The following ZNF385C variants were observed in gnomAD, a reference collection of about 807,000 sequenced individuals.
The protein encoded by ZNF385C is CTD-2132N18.2.
A neutral mutation model predicts 35.4 loss-of-function variants in ZNF385C; 28 were observed. The observed-to-expected ratio is 0.79, with a 90% confidence interval of 0.59 to 1.08. The LOEUF (loss-of-function observed/expected upper bound fraction) is 1.08, where lower values mean the gene tolerates loss of function less well. ZNF385C is among the 50% of genes least tolerant of loss of function. The pLI is 0.00. For missense variants in ZNF385C, 605 were observed against 595.6 expected, an observed-to-expected ratio of 1.02 and a Z score of -0.16; for synonymous variants, 248 against 248.2, an observed-to-expected ratio of 1.00 and a Z score of 0.01.
intron 4 of ZNF385C, among the ~76,000 whole-genome samples, chr17:42,032,116 A>G (rs1369201503): frequency 1.3e-5 from 2 of 152,164 alleles, no homozygotes; most frequent in Non-Finnish European, 2.9e-5. Context: ...GCTGGAGTGC[A>G]GTGGCGCCAT....
intron 1 of ZNF385C, among the ~76,000 whole-genome samples, chr17:42,076,527 C>T (rs1200769770): frequency 3.3e-5 from 5 of 152,130 alleles, no homozygotes; most frequent in Non-Finnish European, 7.3e-5. Context: ...GAGGCTGAGG[C>T]AGGAGAATGG....
intron 1 of ZNF385C, among the ~76,000 whole-genome samples, chr17:42,087,326 A>G (rs1567997446): frequency 6.6e-6 from 1 of 152,240 alleles, no homozygotes; most frequent in Non-Finnish European, 1.5e-5. Context: ...TAAAACTACA[A>G]CTGAAAACAA....
chr17:42,029,683 C>T (rs1430779757), intron 5 of ZNF385C, among the ~76,000 whole-genome samples: 2 of 151,874 alleles, frequency 1.3e-5, no homozygotes, highest in Admixed American at 1.3e-4. Flanking sequence ...CACTGCACTC[C>T]AGCCTGGGCG....
At chr17:42,049,955 C>T (rs2053247752) in intron 2 of ZNF385C, among the ~76,000 whole-genome samples, 1 of 152,172 alleles carries the variant, frequency 6.6e-6, no homozygotes, top group Non-Finnish European at 1.5e-5. Flanking sequence ...TTTACATCAT[C>T]CCAGAAAGTT....
At chr17:42,043,921 C>T (rs2053086394) in intron 2 of ZNF385C, among the ~76,000 whole-genome samples, 1 of 151,922 alleles carries the variant, frequency 6.6e-6, no homozygotes, top group African/African-American at 2.4e-5. Context: ...GTTCTCAGGG[C>T]CCATGAGGAG....
At chr17:42,035,360 T>C (rs2052830318) in intron 3 of ZNF385C, among the ~76,000 whole-genome samples, 1 of 151,516 alleles carries the variant, frequency 6.6e-6, no homozygotes, top group South Asian at 2.1e-4. Context: ...TCCTTTGCAA[T>C]AATTACAACT....
At chr17:42,085,600 T>G (rs1268174857) in intron 1 of ZNF385C, among the ~76,000 whole-genome samples, 2 of 148,854 alleles carry the variant, frequency 1.3e-5, no homozygotes, top group African/African-American at 2.5e-5. Flanking sequence ...CAAAACATTT[T>G]TTTTTTTTTT....
At chr17:42,044,682 T>G (rs2053112766) in intron 2 of ZNF385C, among the ~76,000 whole-genome samples, 1 of 151,974 alleles carries the variant, frequency 6.6e-6, no homozygotes, top group African/African-American at 2.4e-5. Flanking sequence ...ACAGGAAGAT[T>G]TGCTTTCTCT....
intron 1 of ZNF385C, among the ~76,000 whole-genome samples, chr17:42,088,188 G>A (rs1235124219): frequency 6.6e-6 from 1 of 152,246 alleles, no homozygotes; most frequent in African/African-American, 2.4e-5. Flanking sequence ...GGTCCATCCT[G>A]CTGATGCTGG....
rs148572597 is a variant in ZNF385C, at chr17:42,067,055, C to G, written c.-2-3997G>C. Among the ~76,000 whole-genome samples, 296 of 151,090 alleles carry G rather than the reference C, an allele frequency of 2.0e-3. 3 individuals are homozygous for G. Among genetic ancestry groups the G allele is most frequent in the Admixed American group, 3.6e-3 (54 of 15,158 alleles). On this transcript the variant is annotated intron_variant, in intron 1 of 8. Coordinates refer to ENST00000692273, the MANE Select transcript of ZNF385C (RefSeq NM_001392013.1). Reference sequence around the variant, plus strand: ...TGGCACTCAAGCCTAGGTAACAGAGCAAGACTCCGTCTCAGAAAAAAAAAA... The same window carrying G: ...TGGCACTCAAGCCTAGGTAACAGAGGAAGACTCCGTCTCAGAAAAAAAAAA...
In ZNF385C at chr17:42,050,553, T is replaced by C. The variant is rs1555657017; in HGVS notation, c.250+12254A>G. 6.6e-6 allele frequency: 1 copy of C among 151,844 alleles called. No individual in the cohort carries two copies. The highest frequency in any genetic ancestry group is 2.4e-5 in the African/African-American group (1 of 41,330). The allele number at this position is 151,844 out of a possible 1,614,324, so 9.4% of individuals were successfully genotyped here. On this transcript the variant is annotated intron_variant, in intron 2 of 8. Coordinates refer to ENST00000692273, the MANE Select transcript of ZNF385C (RefSeq NM_001392013.1). This position sits in a 1 kb window ranked among gnomAD's most constrained non-coding sequence, Gnocchi z 5.6. ...GCGCCCCCGCCCCGTCCGCTCGCAC[T>C]CACGGAGACACAGGAGCCACCATCT... is the stretch of plus-strand genomic sequence containing the variant.
At chr17:42,052,405 G>A (rs1366052481) in intron 2 of ZNF385C, among the ~76,000 whole-genome samples, 1 of 152,056 alleles carries the variant, frequency 6.6e-6, no homozygotes, top group Non-Finnish European at 1.5e-5. Context: ...ATAGTGGCAG[G>A]TTTAGACATC....
chr17:42,026,075 C>G lies in ZNF385C; in HGVS notation c.*822G>C. 1 of 152,200 alleles carries G rather than the reference C, an allele frequency of 6.6e-6. No homozygotes were observed. The highest frequency in any genetic ancestry group is 1.9e-4 in the East Asian group (1 of 5,180). 9.4% of individuals were successfully genotyped at this position (152,200 alleles called of 1,614,324 possible). ...AAGAGCTTCTGAGGGATGAGTTACT[C>G]CCTCAATATTAAGACTGGGCTTATC... On this transcript the variant is annotated 3_prime_UTR_variant, in exon 9 of 9. Coordinates refer to ENST00000692273, the MANE Select transcript of ZNF385C (RefSeq NM_001392013.1).
intron 1 of ZNF385C, among the ~76,000 whole-genome samples, chr17:42,089,384 G>T (rs1288405540): frequency 1.3e-5 from 2 of 152,072 alleles, no homozygotes; most frequent in Non-Finnish European, 2.9e-5. Flanking sequence ...TGGGATAAAA[G>T]CTCTAAAGGC....
At chr17:42,096,084 G>C (rs562557570) in intron 1 of ZNF385C, among the ~76,000 whole-genome samples, 2 of 152,162 alleles carry the variant, frequency 1.3e-5, no homozygotes, top group South Asian at 2.1e-4. Context: ...AGCTCCACTC[G>C]CACCCTGGCC....
chr17:42,057,539 T>TGA (rs1555657645), intron 2 of ZNF385C, among the ~76,000 whole-genome samples: 6 of 151,446 alleles, frequency 4.0e-5, no homozygotes, highest in East Asian at 3.9e-4. Flanking sequence ...TGTGTGTGTG[T>TGA]GATGGTCCAT....
chr17:42,086,846 T>A (rs1251188893), intron 1 of ZNF385C, among the ~76,000 whole-genome samples: 3 of 150,098 alleles, frequency 2.0e-5, no homozygotes, highest in Non-Finnish European at 4.5e-5. Flanking sequence ...TTTTTTTTTT[T>A]AGATAGAGTT....
chr17:42,035,709 G>A (rs945193187), intron 3 of ZNF385C, among the ~76,000 whole-genome samples: 2 of 151,696 alleles, frequency 1.3e-5, no homozygotes, highest in Non-Finnish European at 1.5e-5. Flanking sequence ...CCACCACTAC[G>A]TCTGGCTAAT....
At chr17:42,029,115 G>T in intron 5 of ZNF385C, 42 bp from the exon 6 acceptor site, 1 of 1,523,952 alleles carries the variant, frequency 6.6e-7, no homozygotes. Context: ...AGATGACGCT[G>T]CAGACCACGA....
Sources: allele counts gnomAD v4.1 joint callset (sites outside exome capture counted in the v4.1 genomes callset), GRCh38; gene constraint gnomAD v4.1.1; non-coding constraint Gnocchi (gnomAD v3.1); transcripts MANE v1.5; gene names NCBI Gene and HGNC (gene_info 2026-07-23, HGNC 2026-07-21).